Variants in DCBLD1 observed in about 807,000 individuals in gnomAD.
DCBLD1 encodes discoidin, CUB and LCCL domain-containing protein 1.
A neutral mutation model predicts 71.5 loss-of-function variants in DCBLD1; 57 were observed. The observed-to-expected ratio is 0.80, with a 90% CI of 0.64 to 0.99. The LOEUF is 0.99. Ranked by LOEUF, DCBLD1 falls within the 50% of genes least tolerant of loss-of-function variation. The pLI, the probability that DCBLD1 is intolerant of heterozygous loss-of-function variation, is 0.00. For missense variants in DCBLD1, 891 were observed against 923.5 expected, an observed-to-expected ratio of 0.96 and a Z score of 0.46; for synonymous variants, 380 against 363.8, an observed-to-expected ratio of 1.04 and a Z score of -0.51.
At chr6:117,485,171 T>A (rs1156374973) in intron 1 of DCBLD1, 2 of 152,252 alleles carry the variant, frequency 1.3e-5, no homozygotes, top group Non-Finnish European at 2.9e-5. Context: ...TACCTTGATA[T>A]ACATTTTTGT....
At chr6:117,490,129 A>G (rs192467065) in intron 1 of DCBLD1, among the ~76,000 whole-genome samples, 4 of 150,416 alleles carry the variant, frequency 2.7e-5, no homozygotes, top group Admixed American at 6.6e-5. Context: ...ACACACCCCT[A>G]TAGCAAATAC....
chr6:117,566,187 C>A (rs1779692948), intron 14 of DCBLD1, among the ~76,000 whole-genome samples: 1 of 152,120 alleles, frequency 6.6e-6, no homozygotes, highest in African/African-American at 2.4e-5. Flanking sequence ...TTTGCATCAA[C>A]CAGATACCAT....
At chr6:117,508,296 A>G (rs1053924882) in intron 2 of DCBLD1, among the ~76,000 whole-genome samples, 7 of 152,214 alleles carry the variant, frequency 4.6e-5, no homozygotes, top group Non-Finnish European at 8.8e-5. Flanking sequence ...AAGACATTTA[A>G]GATGACTGCC....
chr6:117,510,757 TTCC>T (rs1777992935), intron 2 of DCBLD1, among the ~76,000 whole-genome samples: 1 of 152,164 alleles, frequency 6.6e-6, no homozygotes, highest in Non-Finnish European at 1.5e-5. Context: ...TACACTAAGA[TTCC>T]TCTATAAACA....
intron 14 of DCBLD1, chr6:117,562,014 C>A: frequency 4.9e-6 from 1 of 205,354 alleles, no homozygotes; most frequent in Middle Eastern, 1.6e-3. Context: ...TTTAACTGTA[C>A]GTCCTTTAAA....
At position 117,549,158 on chromosome 6, in the gene DCBLD1, C is replaced by G; in HGVS notation, c.*719C>G. On this transcript the variant is annotated 3_prime_UTR_variant, in exon 15 of 15. Coordinates refer to ENST00000338728, the MANE Select transcript of DCBLD1 (RefSeq NM_001366458.2). ...GGGATGCGAAGAGGTCGGCCCAGCTCCGGTGACCATGAAGGTGGCACAGGA... is the reference window on the plus strand; with the variant it reads ...GGGATGCGAAGAGGTCGGCCCAGCTGCGGTGACCATGAAGGTGGCACAGGA... 1.0e-6 allele frequency: 1 copy of G among 985,474 alleles called. No homozygotes were observed. Among genetic ancestry groups the G allele is most frequent in the Non-Finnish European group, 1.2e-6 (1 of 829,988 alleles). 61.0% of individuals were successfully genotyped at this position (985,474 alleles called of 1,614,324 possible). A position where few individuals can be genotyped will look rare whatever the true frequency, so the allele number is the denominator to read the frequency against.
chr6:117,510,217 C>G (rs1335716542), intron 2 of DCBLD1, among the ~76,000 whole-genome samples: 1 of 152,166 alleles, frequency 6.6e-6, no homozygotes, highest in Non-Finnish European at 1.5e-5. Flanking sequence ...CATGCCATTT[C>G]CCAAATGCAT....
At chr6:117,536,088 A>C (rs1049172511) in intron 6 of DCBLD1, among the ~76,000 whole-genome samples, 2 of 152,248 alleles carry the variant, frequency 1.3e-5, no homozygotes, top group African/African-American at 4.8e-5. Flanking sequence ...ACTTCTAAAA[A>C]GAGCTTTTGA....
intron 5 of DCBLD1, among the ~76,000 whole-genome samples, chr6:117,527,171 G>A (rs141107260): frequency 4.6e-5 from 7 of 152,328 alleles, no homozygotes; most frequent in African/African-American, 1.4e-4. Flanking sequence ...CTCCTAGCAA[G>A]ATAGATTACA....
chr6:117,519,035 A>G (rs541200860), intron 2 of DCBLD1, among the ~76,000 whole-genome samples: 19 of 152,250 alleles, frequency 1.2e-4, no homozygotes, highest in African/African-American at 4.6e-4. Context: ...TTGCTTGCTA[A>G]TCTCTATTTC....
chr6:117,556,768 G>C (rs1340763429), intron 14 of DCBLD1, among the ~76,000 whole-genome samples: 1 of 152,124 alleles, frequency 6.6e-6, no homozygotes, highest in Non-Finnish European at 1.5e-5. Flanking sequence ...TCAAATGGTA[G>C]TTCTATTTTT....
Position 117,549,409 on chromosome 6 carries a change from C to A in DCBLD1, c.*970C>A. On this transcript the variant is annotated 3_prime_UTR_variant, in exon 15 of 15. Transcript: ENST00000338728. ...ACATGAAACTGTTGGAAACTGATCT[C>A]ATTTTATAAGAAATGATTTTCCCCT... is the stretch of plus-strand genomic sequence containing the variant. The A allele has an allele frequency of 2.0e-6, 2 of 985,416 alleles. No homozygotes were observed. The highest frequency in any genetic ancestry group is 2.4e-6 in the Non-Finnish European group (2 of 829,938). The allele number at this position is 985,416 out of a possible 1,614,324, so 61.0% of individuals were successfully genotyped here.
At chr6:117,498,754 T>C (rs930786040) in intron 1 of DCBLD1, among the ~76,000 whole-genome samples, 1 of 152,154 alleles carries the variant, frequency 6.6e-6, no homozygotes, top group Admixed American at 6.5e-5. Flanking sequence ...TGCCAGGTAT[T>C]TTAAGGCAAA....
intron 12 of DCBLD1, 105 bp downstream of exon 12, chr6:117,543,316 T>A (rs2114561721): frequency 2.3e-6 from 2 of 876,632 alleles, no homozygotes; most frequent in Non-Finnish European, 3.8e-6. Context: ...CAGCATGGCT[T>A]CTTTCAAAAT....
chr6:117,531,058 A>G (rs191649759), intron 5 of DCBLD1, among the ~76,000 whole-genome samples: 3 of 152,302 alleles, frequency 2.0e-5, no homozygotes, highest in Non-Finnish European at 4.4e-5. Context: ...TTTGGGAAAT[A>G]TGAACTCTCT....
chr6:117,547,917 G>GC lies in DCBLD1; in HGVS notation c.1630dup (p.Leu544ProfsTer36). 1 of 1,550,546 alleles carries GC rather than the reference G, an allele frequency of 6.4e-7. No individual in the cohort carries two copies. Reference sequence around the variant, plus strand: ...GTCTTGTGGTTTCAGATTACCAGCAGCCCCTCATGATTGGCACCGGGACAG... The same window carrying GC: ...GTCTTGTGGTTTCAGATTACCAGCAGCCCCCTCATGATTGGCACCGGGACAG... On this transcript the variant is annotated frameshift_variant, in exon 15 of 15. Transcript: ENST00000338728. LOFTEE classifies it low-confidence loss of function (END_TRUNC).
intron 1 of DCBLD1, among the ~76,000 whole-genome samples, chr6:117,484,661 A>G (rs969819937): frequency 6.6e-6 from 1 of 152,168 alleles, no homozygotes; most frequent in Admixed American, 6.5e-5. Context: ...ACTGGGCTTC[A>G]AATCTTTATA....
rs913552998 is a variant in DCBLD1 at position 117,547,829 on chromosome 6, G to T, written c.1616-78G>T. Reference sequence around the variant, plus strand: ...GGAAAGTCAGTCACCACGACCTGAAGCAGAGTATCCCCGTCTGCCACTGAC... The same window carrying T: ...GGAAAGTCAGTCACCACGACCTGAATCAGAGTATCCCCGTCTGCCACTGAC... On this transcript the variant is annotated intron_variant, in intron 14 of 14. Coordinates refer to ENST00000338728, the MANE Select transcript of DCBLD1 (RefSeq NM_001366458.2). 5.8e-6 allele frequency: 9 copies of T among 1,548,336 alleles called. No individual in the cohort carries two copies. The South Asian group carries it at 1.1e-4, about 18-fold the overall frequency.
chr6:117,558,161 G>C (rs1005248265), intron 14 of DCBLD1, among the ~76,000 whole-genome samples: 4 of 152,224 alleles, frequency 2.6e-5, no homozygotes, highest in Non-Finnish European at 4.4e-5. Context: ...TCACAAAATA[G>C]AAGAGGTTTC....
Sources: gnomAD v4.1 joint callset for allele counts (sites outside exome capture counted in the v4.1 genomes callset) on GRCh38, gnomAD v4.1.1 for gene constraint, MANE v1.5 for transcripts, NCBI Gene and HGNC (gene_info 2026-07-23, HGNC 2026-07-21) for gene names.